CCSER1: variants seen among roughly 807,000 people sequenced by gnomAD.
CCSER1 encodes the protein coiled-coil serine rich protein 1.
In CCSER1, 41 loss-of-function variants were observed where a neutral mutation model predicts 82.0. The ratio of observed to expected loss-of-function variants is 0.50; its 90% CI spans 0.39 to 0.65. CCSER1 has a LOEUF of 0.65. CCSER1 is among the 30% of genes least tolerant of loss of function. The probability of loss-of-function intolerance (pLI) is 0.00; values close to 1 mark genes in which losing one functional copy is unlikely to be tolerated. For synonymous variants in CCSER1, 414 were observed against 383.9 expected (o/e 1.08, Z -0.92); for missense variants, 1,119 against 1,064.2 (o/e 1.05, Z -0.72).
chr4:90,720,152 C>T (rs994094398), intron 6 of CCSER1, among the ~76,000 whole-genome samples: 3 of 151,914 alleles, frequency 2.0e-5, no homozygotes. Context: ...TACCCCTGTT[C>T]TTTTGTTTTT....
At chr4:90,666,273 T>G (rs1173059501) in intron 6 of CCSER1, among the ~76,000 whole-genome samples, 1 of 152,224 alleles carries the variant, frequency 6.6e-6, no homozygotes, top group South Asian at 2.1e-4. Flanking sequence ...GAATTACTAA[T>G]TTAAATCTTG....
Position 91,513,113 on chromosome 4 carries a change from CTTA to C in CCSER1, c.2218-85452_2218-85450del, listed in dbSNP as rs887066461. 1.9e-4 allele frequency among the ~76,000 whole-genome samples: 29 copies of C among 152,060 alleles called. No individual in the cohort carries two copies. In the East Asian group the frequency reaches 5.4e-3, roughly 28 times the overall value. On this transcript the variant is annotated intron_variant, in intron 10 of 10. Transcript: ENST00000509176. Reference sequence around the variant, plus strand: ...GGCTGTGCATTTGTCACAGATGGCTCTTATTATTAATATTTTGAGGTATGTTCT... The same window carrying C: ...GGCTGTGCATTTGTCACAGATGGCTCTTATTAATATTTTGAGGTATGTTCT...
At chr4:90,158,261 C>T (rs917145316) in intron 1 of CCSER1, among the ~76,000 whole-genome samples, 21 of 152,096 alleles carry the variant, frequency 1.4e-4, no homozygotes, top group Admixed American at 5.9e-4. Flanking sequence ...AGTACCTGGT[C>T]GTGTGAGGTG....
chr4:90,739,056 G>A (rs1315710987), intron 7 of CCSER1, among the ~76,000 whole-genome samples: 3 of 152,216 alleles, frequency 2.0e-5, no homozygotes, highest in Admixed American at 6.5e-5. Flanking sequence ...AGCCACCACA[G>A]CTGTGAATGT....
chr4:90,134,641 A>G lies in CCSER1; in HGVS notation c.-42+6810A>G, dbSNP rs184079759. ...AAGTTATGCAGCTTATCTTCTGGAA[A>G]GGTTCATGCAGAGCTTTGAGCATGT... On this transcript the variant is annotated intron_variant, in intron 1 of 10. Coordinates refer to ENST00000509176, the MANE Select transcript of CCSER1 (RefSeq NM_001145065.2). Among the ~76,000 whole-genome samples the G allele has an allele frequency of 2.1e-3, 325 of 152,354 alleles. 4 individuals carry two copies. Among genetic ancestry groups the G allele is most frequent in the African/African-American group, 6.6e-3 (275 of 41,588 alleles).
At chr4:90,301,122 A>G (rs1303570346) in intron 1 of CCSER1, among the ~76,000 whole-genome samples, 1 of 152,156 alleles carries the variant, frequency 6.6e-6, no homozygotes, top group Non-Finnish European at 1.5e-5. Context: ...GGCATGAACC[A>G]GTGAACCCAG....
chr4:91,277,106 G>A (rs1328913695), intron 10 of CCSER1, among the ~76,000 whole-genome samples: 2 of 152,022 alleles, frequency 1.3e-5, no homozygotes, highest in African/African-American at 4.8e-5. Context: ...ATATTGGACT[G>A]TAGTTTTCTT....
rs534486874 is a variant in CCSER1 at position 90,248,582 on chromosome 4, C to CCTGTAA, written c.-41-59659_-41-59654dup. Among the ~76,000 whole-genome samples the CCTGTAA allele has an allele frequency of 2.9e-3, 438 of 152,238 alleles. 4 individuals carry two copies. Among genetic ancestry groups the CCTGTAA allele is most frequent in the African/African-American group, 9.8e-3 (406 of 41,542 alleles). The stretch of plus-strand genomic sequence containing the variant: ...TTGGGTATGCGCCACCATTAAATAC[C>CCTGTAA]CTGTAACTCTCCGATGCTACTTCTC... On this transcript the variant is annotated intron_variant, in intron 1 of 10. Coordinates refer to ENST00000509176, the MANE Select transcript of CCSER1 (RefSeq NM_001145065.2).
intron 7 of CCSER1, among the ~76,000 whole-genome samples, chr4:90,749,829 A>G (rs1201011507): frequency 6.6e-6 from 1 of 151,774 alleles, no homozygotes; most frequent in Admixed American, 6.6e-5. Context: ...GCTGGGTCAA[A>G]TGGTATTTCT....
intron 6 of CCSER1, among the ~76,000 whole-genome samples, chr4:90,691,306 TTAAA>T (rs912436302): frequency 1.2e-4 from 18 of 151,990 alleles, no homozygotes; most frequent in Admixed American, 3.9e-4. Flanking sequence ...ATTCTAGAGT[TTAAA>T]TAGTCTTGAT....
intron 10 of CCSER1, among the ~76,000 whole-genome samples, chr4:91,147,388 C>A (rs557089476): frequency 1.3e-5 from 2 of 152,340 alleles, no homozygotes; most frequent in South Asian, 2.1e-4. Flanking sequence ...TGGCTGTGCT[C>A]TTCCAGGTGT....
At chr4:91,560,102 A>C (rs534692210) in intron 10 of CCSER1, among the ~76,000 whole-genome samples, 1 of 151,520 alleles carries the variant, frequency 6.6e-6, no homozygotes, top group South Asian at 2.1e-4. Flanking sequence ...TACTCTAGTC[A>C]CTCAAGGTAA....
intron 3 of CCSER1, among the ~76,000 whole-genome samples, chr4:90,385,774 A>T (rs1274811328): frequency 6.6e-6 from 1 of 151,400 alleles, no homozygotes; most frequent in Non-Finnish European, 1.5e-5. Context: ...TTTCTTGGCC[A>T]TTTGTATATC....
At chr4:90,298,362 C>T (rs1365620664) in intron 1 of CCSER1, among the ~76,000 whole-genome samples, 10 of 151,656 alleles carry the variant, frequency 6.6e-5, no homozygotes, top group African/African-American at 1.5e-4. Context: ...TTTTTTCTTG[C>T]GTCTATTTGA....
chr4:90,904,501 G>A (rs1037910), intron 8 of CCSER1, among the ~76,000 whole-genome samples: 61,275 of 151,906 alleles, frequency 0.4, 12,601 homozygotes, highest in Non-Finnish European at 0.44. Context: ...TTGCCAGAAA[G>A]GTTTCCTATT....
intron 10 of CCSER1, among the ~76,000 whole-genome samples, chr4:91,120,471 A>G (rs1049416628): frequency 1.3e-5 from 2 of 152,044 alleles, no homozygotes; most frequent in Non-Finnish European, 2.9e-5. Flanking sequence ...ATCAAAGATT[A>G]TTGCAAGGTT....
intron 4 of CCSER1, among the ~76,000 whole-genome samples, chr4:90,400,431 C>A (rs1426047826): frequency 6.6e-6 from 1 of 151,996 alleles, no homozygotes; most frequent in Non-Finnish European, 1.5e-5. Flanking sequence ...TTAATATTTT[C>A]TTCTGTTTTG....
intron 10 of CCSER1, among the ~76,000 whole-genome samples, chr4:91,391,755 G>T (rs1352727234): frequency 6.6e-6 from 1 of 152,042 alleles, no homozygotes; most frequent in Non-Finnish European, 1.5e-5. Context: ...GTGTTTGGTG[G>T]CCCAGAATTT....
chr4:91,099,319 G>C (rs1295884027), intron 10 of CCSER1, among the ~76,000 whole-genome samples: 1 of 152,180 alleles, frequency 6.6e-6, no homozygotes, highest in Non-Finnish European at 1.5e-5. Context: ...CCACCACTAA[G>C]ATGTATCTGA....
Sources: gnomAD v4.1 joint callset for allele counts (sites outside exome capture counted in the v4.1 genomes callset) on GRCh38, gnomAD v4.1.1 for gene constraint, MANE v1.5 for transcripts, NCBI Gene and HGNC (gene_info 2026-07-23, HGNC 2026-07-21) for gene names.